RSAD2: variants seen among roughly 807,000 people sequenced by gnomAD.
RSAD2 encodes the protein radical S-adenosyl methionine domain containing 2.
A neutral mutation model predicts 37.7 loss-of-function variants in RSAD2; 38 were observed. The ratio of observed to expected loss-of-function variants is 1.01; its 90% CI spans 0.78 to 1.32. RSAD2 has a LOEUF of 1.32. Among genes scored for constraint, RSAD2 ranks in the 40% most tolerant of loss-of-function variants. RSAD2 has a pLI of 0.00. For synonymous variants in RSAD2, 163 were observed against 157.4 expected, an observed-to-expected ratio of 1.04 and a Z score of -0.27; for missense variants, 428 against 437.5, an observed-to-expected ratio of 0.98 and a Z score of 0.19.
chr2:6,869,058 G>A (rs1663158779), intron 1 of RSAD2, among the ~76,000 whole-genome samples: 1 of 152,152 alleles, frequency 6.6e-6, no homozygotes, highest in Non-Finnish European at 1.5e-5. Context: ...TGCATATCTA[G>A]CCCTTCATAT....
chr2:6,869,394 A>G (rs1172053025), intron 1 of RSAD2, among the ~76,000 whole-genome samples: 4 of 152,310 alleles, frequency 2.6e-5, no homozygotes, highest in African/African-American at 9.6e-5. Flanking sequence ...AAAGAAAAAA[A>G]AAATTTCCAA....
chr2:6,868,238 A>G lies in RSAD2; in HGVS notation c.142+2193A>G, dbSNP rs2122106. 3.0e-3 allele frequency among the ~76,000 whole-genome samples: 454 copies of G among 152,322 alleles called. 1 individual carries two copies. The highest frequency in any genetic ancestry group is 9.8e-3 in the African/African-American group (409 of 41,592). ...GAATGGGAGAATTAAAAATATAAAT[A>G]GCAATTAATAAATAATAAAATGAAA... is the stretch of plus-strand genomic sequence containing the variant. On this transcript the variant is annotated intron_variant, in intron 1 of 5. Coordinates refer to the RSAD2 transcript ENST00000442639.
chr2:6,886,996 T>A lies in RSAD2; in HGVS notation c.570T>A (p.Leu190=). The change falls in exon 3 of 6, where the codon CTT becomes CTA. Residue 190 remains leucine, a synonymous_variant. Transcript: ENST00000382040. Reference sequence around the variant, plus strand: ...GCTTTGACGAGGAAGTCAATGTCCTTATTGGCCGTGGCCAAGGAAAGAAGA... The same window carrying A: ...GCTTTGACGAGGAAGTCAATGTCCTAATTGGCCGTGGCCAAGGAAAGAAGA... ...CDSFDEEVNV[L]IGRGQGKKNH... The A allele has an allele frequency of 6.2e-7, 1 of 1,614,208 alleles. No individual in the cohort carries two copies. The highest frequency in any genetic ancestry group is 8.5e-7 in the Non-Finnish European group (1 of 1,180,020).
chr2:6,877,784 T>A lies in RSAD2; in HGVS notation c.-17T>A. 6.2e-7 allele frequency: 1 copy of A among 1,606,820 alleles called. No homozygotes were observed. Among genetic ancestry groups the A allele is most frequent in the Admixed American group, 1.7e-5 (1 of 59,574 alleles). On this transcript the variant is annotated 5_prime_UTR_variant, in exon 1 of 6. Transcript: ENST00000382040. ...CCCTGGCATACAGAGACTGCTCTGC[T>A]CCAGGCATCTGCCACAATGTGGGTG...
At chr2:6,886,636 G>A (rs1379689409) in intron 2 of RSAD2, among the ~76,000 whole-genome samples, 1 of 152,232 alleles carries the variant, frequency 6.6e-6, no homozygotes, top group East Asian at 1.9e-4. Context: ...TACATAATTT[G>A]TATGCAGGAA....
At chr2:6,887,225 T>A in intron 3 of RSAD2, 61 bp downstream of exon 3, 2 of 1,307,584 alleles carry the variant, frequency 1.5e-6, no homozygotes. Context: ...AATGACTTTT[T>A]TCAATGAAAC....
chr2:6,890,252 G>C lies in RSAD2; in HGVS notation c.815G>C (p.Gly272Ala). ...AGAGAAGCAGAAAGATTTGTTATTG[G>C]TGATGAAGAATTTGAAAGATTCTTG... The part of the protein sequence containing the change: ...ALREAERFVI[G>A]DEEFERFLER... Residue 272 changes from glycine to alanine, a missense_variant, in exon 4 of 6, where the codon GGT becomes GCT. By Grantham distance (60) the Gly-to-Ala change is moderately conservative (BLOSUM62 0). Coordinates refer to ENST00000382040, the MANE Select transcript of RSAD2 (RefSeq NM_080657.5). 6.2e-7 allele frequency: 1 copy of C among 1,614,192 alleles called. No individual in the cohort carries two copies. The highest frequency in any genetic ancestry group is 8.5e-7 in the Non-Finnish European group (1 of 1,180,018).
intron 3 of RSAD2, among the ~76,000 whole-genome samples, chr2:6,889,028 C>T (rs1032206856): frequency 5.3e-5 from 8 of 152,202 alleles, no homozygotes; most frequent in African/African-American, 1.2e-4. Context: ...TGCCCAATCC[C>T]ACACCCTCAA....
At position 6,884,463 on chromosome 2, in the gene RSAD2, G is replaced by GA. The variant is rs144659274; in HGVS notation, c.508+933dup. Among the ~76,000 whole-genome samples the GA allele has an allele frequency of 3.6e-3, 544 of 152,282 alleles. 3 individuals carry two copies. Among genetic ancestry groups the GA allele is most frequent in the African/African-American group, 0.013 (523 of 41,552 alleles). ...TCTGAGGTTCAAAAGTGAACTTTGG[G>GA]AACCATACTCAGAGAGAGAAAAAAG... On this transcript the variant is annotated intron_variant, in intron 2 of 5. Coordinates refer to ENST00000382040, the MANE Select transcript of RSAD2 (RefSeq NM_080657.5).
At chr2:6,889,979 T>C (rs1663598095) in intron 3 of RSAD2, among the ~76,000 whole-genome samples, 197 bp from the exon 4 acceptor site, 1 of 152,228 alleles carries the variant, frequency 6.6e-6, no homozygotes, top group African/African-American at 2.4e-5. Flanking sequence ...ATTTTAATAA[T>C]GTTTGTGCTT....
At chr2:6,870,655 AC>A (rs1663186554) in intron 1 of RSAD2, among the ~76,000 whole-genome samples, 1 of 152,088 alleles carries the variant, frequency 6.6e-6, no homozygotes, top group Admixed American at 6.5e-5. Flanking sequence ...TTTCCTCTTG[AC>A]CCCAAGTTTA....
chr2:6,892,978 C>G (rs937056528), intron 4 of RSAD2, among the ~76,000 whole-genome samples: 35 of 152,228 alleles, frequency 2.3e-4, no homozygotes, highest in African/African-American at 8.4e-4. Flanking sequence ...GGAGCTCAGC[C>G]AAGCTATTTT....
Position 6,895,962 on chromosome 2 carries a change from C to T in RSAD2, c.*20C>T. On this transcript the variant is annotated 3_prime_UTR_variant, in exon 6 of 6. Transcript: ENST00000382040. Reference sequence around the variant, plus strand: ...TGGTAGAGCGGAAAGTGGAACGAGACTTCAACACACCAGTGGGAAAACTCC... The same window carrying T: ...TGGTAGAGCGGAAAGTGGAACGAGATTTCAACACACCAGTGGGAAAACTCC... The T allele has an allele frequency of 6.2e-7, 1 of 1,608,590 alleles. No homozygotes were observed. The highest frequency in any genetic ancestry group is 8.5e-7 in the Non-Finnish European group (1 of 1,176,102).
chr2:6,885,253 A>T (rs528348195), intron 2 of RSAD2, among the ~76,000 whole-genome samples: 7 of 152,272 alleles, frequency 4.6e-5, no homozygotes, highest in African/African-American at 1.7e-4. Flanking sequence ...AACTATAGGG[A>T]CATATTTGGA....
chr2:6,874,191 T>G (rs769094297), upstream of RSAD2, among the ~76,000 whole-genome samples: 5 of 152,078 alleles, frequency 3.3e-5, no homozygotes, highest in African/African-American at 1.2e-4. Flanking sequence ...CTCCCCCTTT[T>G]CCTTCTGTCA....
chr2:6,869,960 C>G (rs548772060), intron 1 of RSAD2, among the ~76,000 whole-genome samples: 14 of 152,304 alleles, frequency 9.2e-5, no homozygotes, highest in African/African-American at 3.4e-4. Context: ...CCAATCAAAA[C>G]ACAATGGGAT....
chr2:6,872,139 C>T (rs868610376), intron 1 of RSAD2, among the ~76,000 whole-genome samples: 1 of 152,058 alleles, frequency 6.6e-6, no homozygotes, highest in Non-Finnish European at 1.5e-5. Flanking sequence ...GAGGGCTTCT[C>T]CAAATCTTTT....
intron 1 of RSAD2, chr2:6,879,181 A>G (rs1663351467): frequency 2.4e-6 from 1 of 413,566 alleles, no homozygotes; most frequent in South Asian, 1.7e-5. Context: ...CCCAAAGCTG[A>G]TTGCTCAAAT....
upstream of RSAD2, among the ~76,000 whole-genome samples, chr2:6,873,174 C>G (rs1044141017): frequency 2.6e-5 from 4 of 152,142 alleles, no homozygotes; most frequent in Non-Finnish European, 5.9e-5. Flanking sequence ...TTTTGAAGAT[C>G]TAGAAAACCA....
Sources: gnomAD v4.1 joint callset for allele counts (sites outside exome capture counted in the v4.1 genomes callset) on GRCh38, gnomAD v4.1.1 for gene constraint, MANE v1.5 for transcripts, NCBI Gene and HGNC (gene_info 2026-07-23, HGNC 2026-07-21) for gene names.